Variants in MARCHF11 observed in about 807,000 individuals in gnomAD.
The protein encoded by MARCHF11 is membrane associated ring-CH-type finger 11, also known as E3 ubiquitin-protein ligase MARCHF11.
MARCHF11 carries 29 observed loss-of-function variants against 37.3 expected under a neutral mutation model. The ratio of observed to expected loss-of-function variants is 0.78; its 90% CI spans 0.58 to 1.06. MARCHF11 has a LOEUF of 1.06. Ranked by LOEUF, MARCHF11 falls within the 50% of genes least tolerant of loss-of-function variation. The pLI is 0.00. For synonymous variants in MARCHF11, 233 were observed against 228.0 expected, an observed-to-expected ratio of 1.02 and a Z score of -0.20; for missense variants, 482 against 533.4, an observed-to-expected ratio of 0.90 and a Z score of 0.95.
In MARCHF11 at chr5:16,177,336, T is replaced by TA. The variant is rs377741903; in HGVS notation, c.693+389dup. Among the ~76,000 whole-genome samples the TA allele has an allele frequency of 1.0e-3, 159 of 152,350 alleles. 2 individuals are homozygous for TA. The highest frequency in any genetic ancestry group is 3.6e-3 in the African/African-American group (151 of 41,586). ...TTGTTTTACTTGTATCTGTTCTCCA[T>TA]AAATGGAGCCCATTAGAGCTTAAAT... is the stretch of plus-strand genomic sequence containing the variant. On this transcript the variant is annotated intron_variant, in intron 2 of 3. Transcript: ENST00000332432.
At chr5:16,070,927 T>C (rs1400746503) in intron 3 of MARCHF11, among the ~76,000 whole-genome samples, 1 of 152,202 alleles carries the variant, frequency 6.6e-6, no homozygotes, top group Non-Finnish European at 1.5e-5. Context: ...TTCCCAAGGC[T>C]GTTCTCTGTA....
intron 2 of MARCHF11, among the ~76,000 whole-genome samples, chr5:16,131,897 G>A (rs1436139979): frequency 2.0e-5 from 3 of 152,206 alleles, no homozygotes; most frequent in Non-Finnish European, 4.4e-5. Flanking sequence ...TCATTTAAAG[G>A]GAGACACAAT....
At chr5:16,145,103 G>A (rs1170856058) in intron 2 of MARCHF11, among the ~76,000 whole-genome samples, 1 of 152,166 alleles carries the variant, frequency 6.6e-6, no homozygotes, top group Admixed American at 6.5e-5. Flanking sequence ...CTTTCTGTGT[G>A]GGCTGCACTT....
chr5:16,163,064 C>G (rs1402046422), intron 2 of MARCHF11, among the ~76,000 whole-genome samples: 1 of 151,972 alleles, frequency 6.6e-6, no homozygotes, highest in African/African-American at 2.4e-5. Context: ...CTCAACTCTT[C>G]TAAAAGATGT....
At chr5:16,114,023 A>G (rs899162385) in intron 2 of MARCHF11, among the ~76,000 whole-genome samples, 3 of 151,110 alleles carry the variant, frequency 2.0e-5, no homozygotes, top group Non-Finnish European at 4.4e-5. Context: ...TAGCTCCCCC[A>G]TATGATTGCG....
chr5:16,083,187 T>C (rs1287968370), intron 3 of MARCHF11, among the ~76,000 whole-genome samples: 1 of 152,144 alleles, frequency 6.6e-6, no homozygotes, highest in Non-Finnish European at 1.5e-5. Context: ...GCAGCTGTGG[T>C]CTCCACTTCC....
chr5:16,101,146 C>T (rs1736948347), intron 2 of MARCHF11, among the ~76,000 whole-genome samples: 1 of 152,170 alleles, frequency 6.6e-6, no homozygotes, highest in African/African-American at 2.4e-5. Context: ...TCTCATCTCT[C>T]CATGTTATCT....
chr5:16,119,561 C>T (rs1187357592), intron 2 of MARCHF11, among the ~76,000 whole-genome samples: 1 of 152,020 alleles, frequency 6.6e-6, no homozygotes, highest in Non-Finnish European at 1.5e-5. Flanking sequence ...CCCTGACATG[C>T]TCCACAAGGG....
At chr5:16,106,322 C>T (rs1417648764) in intron 2 of MARCHF11, among the ~76,000 whole-genome samples, 1 of 152,170 alleles carries the variant, frequency 6.6e-6, no homozygotes, top group Non-Finnish European at 1.5e-5. Flanking sequence ...GTTCGGCAAT[C>T]TGATAGCTCT....
rs879889834 is a variant in MARCHF11 at position 16,166,619 on chromosome 5, T to C, written c.693+11107A>G. On this transcript the variant is annotated intron_variant, in intron 2 of 3. Transcript: ENST00000332432. Reference sequence around the variant, plus strand: ...AACATTTATATATATTTCATAGATATGTAAATTTCTATACGATTAAATGTA... The same window carrying C: ...AACATTTATATATATTTCATAGATACGTAAATTTCTATACGATTAAATGTA... Among the ~76,000 whole-genome samples the C allele has an allele frequency of 7.8e-4, 118 of 152,038 alleles. 2 individuals carry two copies. The highest frequency in any genetic ancestry group is 3.8e-4 in the Non-Finnish European group (26 of 67,960).
intron 2 of MARCHF11, among the ~76,000 whole-genome samples, chr5:16,148,060 C>T (rs1206199041): frequency 6.6e-6 from 1 of 152,110 alleles, no homozygotes; most frequent in Non-Finnish European, 1.5e-5. Flanking sequence ...TGTTTTTCTT[C>T]ATCTTCTGCC....
chr5:16,169,993 A>G (rs1738231821), intron 2 of MARCHF11, among the ~76,000 whole-genome samples: 1 of 152,114 alleles, frequency 6.6e-6, no homozygotes, highest in South Asian at 2.1e-4. Context: ...GAAATTAGTG[A>G]GGAGGAAATA....
intron 2 of MARCHF11, among the ~76,000 whole-genome samples, chr5:16,174,077 C>T (rs1390315333): frequency 6.6e-6 from 1 of 152,150 alleles, no homozygotes; most frequent in Non-Finnish European, 1.5e-5. Flanking sequence ...ATCCATCATG[C>T]CTCTGGAAAA....
intron 2 of MARCHF11, chr5:16,129,210 T>G (rs1737472406): frequency 6.6e-6 from 1 of 152,186 alleles, no homozygotes; most frequent in Admixed American, 6.5e-5. Context: ...GCTGTATATC[T>G]TGGCACAATA....
rs943089706 is a variant in MARCHF11, at chr5:16,103,507, C to T, written c.694-12426G>A. ...CACAAGAAAGAACCAGGTTTAAATG[C>T]GGAAGGATGTTGCAGAGATGTTCAC... On this transcript the variant is annotated intron_variant, in intron 2 of 3. Transcript: ENST00000332432. Among the ~76,000 whole-genome samples the T allele has an allele frequency of 7.9e-5, 12 of 152,232 alleles. No individual in the cohort carries two copies. The Middle Eastern group carries it at 0.01, about 129-fold the overall frequency.
At chr5:16,135,880 T>TAAAA (rs11345766) in intron 2 of MARCHF11, among the ~76,000 whole-genome samples, 1 of 119,680 alleles carries the variant, frequency 8.4e-6, no homozygotes, top group Non-Finnish European at 1.8e-5. Flanking sequence ...GAAAGAGATT[T>TAAAA]AAAAAAAAAA....
chr5:16,142,565 G>C (rs1737726780), intron 2 of MARCHF11, among the ~76,000 whole-genome samples: 1 of 152,040 alleles, frequency 6.6e-6, no homozygotes, highest in Admixed American at 6.6e-5. Flanking sequence ...GAGGGAGTAT[G>C]GTGAGCTGTA....
Position 16,142,662 on chromosome 5 carries a change from G to A in MARCHF11, c.693+35064C>T, listed in dbSNP as rs1012385881. On this transcript the variant is annotated intron_variant, in intron 2 of 3. Transcript: ENST00000332432. ...TTTGTTAGCTCCACTTAAAGGGAAA[G>A]CCCTGTGTACACTTCTTATATTTTA... Among the ~76,000 whole-genome samples, 5 of 149,774 alleles carry A rather than the reference G, an allele frequency of 3.3e-5. No homozygotes were observed. In the East Asian group the frequency reaches 7.8e-4, roughly 23 times the overall value.
intron 2 of MARCHF11, among the ~76,000 whole-genome samples, chr5:16,122,544 G>A (rs913022164): frequency 2.8e-4 from 43 of 152,150 alleles, no homozygotes; most frequent in African/African-American, 1.0e-3. Flanking sequence ...TTGTCTCCAT[G>A]CCCAATGACC....
Sources: allele counts gnomAD v4.1 joint callset (sites outside exome capture counted in the v4.1 genomes callset), GRCh38; gene constraint gnomAD v4.1.1; transcripts MANE v1.5; gene names NCBI Gene and HGNC (gene_info 2026-07-23, HGNC 2026-07-21).